ACTR3B: variants seen among roughly 807,000 people sequenced by gnomAD.
ACTR3B encodes the protein actin related protein 3B.
In ACTR3B, 8 loss-of-function variants were observed where a neutral mutation model predicts 59.0. The observed-to-expected ratio is 0.14, with a 90% confidence interval of 0.08 to 0.24. The LOEUF (loss-of-function observed/expected upper bound fraction) is 0.24. ACTR3B is among the 10% of genes least tolerant of loss of function. The pLI is 1.00. For missense variants in ACTR3B, 245 were observed against 552.3 expected (o/e 0.44, Z 5.58); for synonymous variants, 148 against 197.9 (o/e 0.75, Z 2.12).
Position 152,772,351 on chromosome 7 carries a change from T to A in ACTR3B, c.45-10836T>A, listed in dbSNP as rs562591124. ...CTGGGGAACATAGCAAGACCCTGTC[T>A]CTGTCCCCCTGCCCCCTAAAAGAAA... On this transcript the variant is annotated intron_variant, in intron 1 of 11. Coordinates refer to ENST00000256001, the MANE Select transcript of ACTR3B (RefSeq NM_020445.6). Among the ~76,000 whole-genome samples, 799 of 149,562 alleles carry A rather than the reference T, an allele frequency of 5.3e-3. 10 individuals carry two copies. The highest frequency in any genetic ancestry group is 0.018 in the African/African-American group (747 of 40,390).
At chr7:152,842,482 A>G (rs1797942441) in intron 9 of ACTR3B, among the ~76,000 whole-genome samples, 1 of 152,224 alleles carries the variant, frequency 6.6e-6, no homozygotes, top group Non-Finnish European at 1.5e-5. Flanking sequence ...TAATCTTTTC[A>G]GACTGTGGCT....
intron 3 of ACTR3B, among the ~76,000 whole-genome samples, chr7:152,801,151 C>T (rs2098235204): frequency 6.6e-6 from 1 of 152,296 alleles, no homozygotes; most frequent in Non-Finnish European, 1.5e-5. Context: ...GCCGTCTTGG[C>T]TCACTGCAGC....
At chr7:152,786,706 CTTCTT>C (rs1230412190) in intron 2 of ACTR3B, among the ~76,000 whole-genome samples, 3 of 152,048 alleles carry the variant, frequency 2.0e-5, no homozygotes, top group Non-Finnish European at 4.4e-5. Context: ...TCAGACCTCT[CTTCTT>C]TTCCTCTTTT....
At chr7:152,778,310 T>C (rs2098141423) in intron 1 of ACTR3B, among the ~76,000 whole-genome samples, 1 of 151,616 alleles carries the variant, frequency 6.6e-6, no homozygotes, top group South Asian at 2.1e-4. Flanking sequence ...GTTGCCCAGG[T>C]TGGAGTGCAG....
chr7:152,805,510 G>A (rs191257136), intron 4 of ACTR3B, among the ~76,000 whole-genome samples: 3 of 152,234 alleles, frequency 2.0e-5, no homozygotes, highest in East Asian at 1.9e-4. Context: ...ATGAACCTAC[G>A]AATACATGAT....
intron 7 of ACTR3B, among the ~76,000 whole-genome samples, chr7:152,823,052 C>A (rs1431379240): frequency 6.6e-6 from 1 of 152,164 alleles, no homozygotes; most frequent in African/African-American, 2.4e-5. Flanking sequence ...TTTCTAGACA[C>A]CTGTAGACAT....
intron 3 of ACTR3B, 77 bp downstream of exon 3, chr7:152,800,732 T>A (rs2098233012): frequency 1.0e-5 from 15 of 1,506,368 alleles, no homozygotes; most frequent in Non-Finnish European, 1.3e-5. Context: ...ATCTAGAAGT[T>A]GTATTTGCGA....
At chr7:152,762,475 A>G (rs1256085638) in intron 1 of ACTR3B, among the ~76,000 whole-genome samples, 1 of 152,218 alleles carries the variant, frequency 6.6e-6, no homozygotes, top group East Asian at 1.9e-4. Flanking sequence ...CTGTATGTCC[A>G]TACATATTAT....
intron 1 of ACTR3B, among the ~76,000 whole-genome samples, chr7:152,777,667 G>T (rs1479442025): frequency 1.3e-5 from 2 of 152,128 alleles, no homozygotes. Context: ...TATAAAGAAT[G>T]AAATTTGCCA....
chr7:152,793,067 G>T (rs1400919905), intron 2 of ACTR3B, among the ~76,000 whole-genome samples: 1 of 144,136 alleles, frequency 6.9e-6, no homozygotes, highest in African/African-American at 2.6e-5. Context: ...AGAAGTTTGA[G>T]TATAATGTGT....
intron 2 of ACTR3B, among the ~76,000 whole-genome samples, 193 bp from the exon 3 acceptor site, chr7:152,800,338 C>T (rs1441485060): frequency 2.0e-5 from 3 of 152,388 alleles, no homozygotes; most frequent in Admixed American, 6.5e-5. Context: ...GAAAATCATA[C>T]CAGAATAGAA....
intron 2 of ACTR3B, chr7:152,786,553 GA>G (rs113248599): frequency 0.12 from 11,279 of 96,794 alleles, 581 homozygotes; most frequent in African/African-American, 0.23. Context: ...GTTCCGTCTC[GA>G]AAAAAAAAAA....
rs778418936 is a variant in ACTR3B, at chr7:152,816,533, C to T, written c.485C>T (p.Thr162Met). 3.4e-5 allele frequency: 54 copies of T among 1,607,656 alleles called. No homozygotes were observed. The highest frequency in any genetic ancestry group is 5.1e-5 in the Admixed American group (3 of 59,376). ...SWTSRQVGER[T>M]LTGIVIDSGD... ...ACATCTCGACAAGTGGGTGAACGTA[C>T]GTTAACGGGGATAGTCATTGACAGC... Residue 162 changes from threonine (T) to methionine (M), a missense_variant, in exon 6 of 12, where the codon ACG becomes ATG. Physicochemically the swap from Thr to Met is moderately conservative, Grantham distance 81 (BLOSUM62 -1). This residue lies in a region of ACTR3B where 40 missense variants were observed against 70.4 expected (regional missense o/e 0.57). Coordinates refer to ENST00000256001, the MANE Select transcript of ACTR3B (RefSeq NM_020445.6).
intron 1 of ACTR3B, among the ~76,000 whole-genome samples, chr7:152,764,643 CAAAA>C (rs57066285): frequency 8.6e-6 from 1 of 116,736 alleles, no homozygotes; most frequent in Non-Finnish European, 2.0e-5. Flanking sequence ...GACTCCATCT[CAAAA>C]AAAAAAAAAA....
intron 9 of ACTR3B, among the ~76,000 whole-genome samples, chr7:152,827,755 G>A (rs554898103): frequency 6.6e-6 from 1 of 152,336 alleles, no homozygotes; most frequent in Admixed American, 6.5e-5. Context: ...TGTTTGGTGG[G>A]CACCACTGCC....
chr7:152,845,425 A>G (rs1364304826), intron 9 of ACTR3B, among the ~76,000 whole-genome samples: 1 of 152,068 alleles, frequency 6.6e-6, no homozygotes, highest in Non-Finnish European at 1.5e-5. Context: ...TTTGTTGCCT[A>G]GTTTTTAAAG....
intron 4 of ACTR3B, among the ~76,000 whole-genome samples, chr7:152,803,590 A>G (rs1323073273): frequency 6.6e-6 from 1 of 152,142 alleles, no homozygotes; most frequent in African/African-American, 2.4e-5. Context: ...AGGGACATCT[A>G]ATCTTAGGCA....
intron 1 of ACTR3B, among the ~76,000 whole-genome samples, chr7:152,771,737 A>C (rs1236081250): frequency 6.6e-6 from 1 of 152,248 alleles, no homozygotes; most frequent in Non-Finnish European, 1.5e-5. Context: ...ACTGTAAAAA[A>C]TTCAGAGTCA....
chr7:152,806,251 G>A (rs535642817), intron 4 of ACTR3B, among the ~76,000 whole-genome samples: 359 of 152,290 alleles, frequency 2.4e-3, no homozygotes, highest in Non-Finnish European at 3.9e-3. Flanking sequence ...AGATGAAATG[G>A]GAGGTTGAGG....
Sources: gnomAD v4.1 joint callset for allele counts (sites outside exome capture counted in the v4.1 genomes callset) on GRCh38, gnomAD v4.1.1 for gene constraint, gnomAD v4.1.1 regional missense constraint, MANE v1.5 for transcripts, NCBI Gene and HGNC (gene_info 2026-07-23, HGNC 2026-07-21) for gene names.